KCNB2: variants seen among roughly 807,000 people sequenced by gnomAD.
The protein encoded by KCNB2 is delayed rectifier potassium channel protein.
KCNB2 carries 15 observed loss-of-function variants against 61.5 expected under a neutral mutation model. The ratio of observed to expected loss-of-function variants is 0.24; its 90% CI spans 0.16 to 0.38. The LOEUF (loss-of-function observed/expected upper bound fraction) is 0.38. Among genes scored for constraint, KCNB2 ranks in the 10% least tolerant of loss-of-function variants. The probability of loss-of-function intolerance (pLI) is 1.00; values close to 1 mark genes in which losing one functional copy is unlikely to be tolerated. For missense variants in KCNB2, 828 were observed against 1,125.2 expected (o/e 0.74, Z 3.78); for synonymous variants, 457 against 446.0 (o/e 1.02, Z -0.31).
At chr8:72,657,405 C>T (rs1440710402) in intron 2 of KCNB2, among the ~76,000 whole-genome samples, 1 of 151,788 alleles carries the variant, frequency 6.6e-6, no homozygotes, top group African/African-American at 2.4e-5. Context: ...TAAGTGTAGC[C>T]CTAGTTACAC....
chr8:72,741,115 A>G (rs1807951130), intron 2 of KCNB2, among the ~76,000 whole-genome samples: 1 of 152,018 alleles, frequency 6.6e-6, no homozygotes, highest in Admixed American at 6.6e-5. Context: ...TTTGATTGTA[A>G]TCTGACATTT....
intron 2 of KCNB2, among the ~76,000 whole-genome samples, chr8:72,608,422 T>G (rs1805487048): frequency 6.6e-6 from 1 of 152,056 alleles, no homozygotes; most frequent in South Asian, 2.1e-4. Context: ...CTAGCCCCTG[T>G]TTGGAAAGTG....
chr8:72,844,625 C>T (rs750419030), intron 2 of KCNB2, among the ~76,000 whole-genome samples: 1 of 152,148 alleles, frequency 6.6e-6, no homozygotes, highest in Non-Finnish European at 1.5e-5. Context: ...TTCTTGGAGG[C>T]TTTGTTCATT....
At chr8:72,907,898 C>A (rs1007114525) in intron 2 of KCNB2, among the ~76,000 whole-genome samples, 1 of 152,128 alleles carries the variant, frequency 6.6e-6, no homozygotes, top group African/African-American at 2.4e-5. Flanking sequence ...CATTTAACTT[C>A]CAATTTATTT....
At chr8:72,735,457 G>A (rs1485220895) in intron 2 of KCNB2, among the ~76,000 whole-genome samples, 2 of 152,080 alleles carry the variant, frequency 1.3e-5, no homozygotes, top group South Asian at 2.1e-4. Context: ...TCGGGTAAAG[G>A]TCTCACATGC....
intron 1 of KCNB2, among the ~76,000 whole-genome samples, chr8:72,558,536 A>G (rs886719033): frequency 6.6e-6 from 1 of 152,200 alleles, no homozygotes; most frequent in Non-Finnish European, 1.5e-5. Flanking sequence ...TGGAAGTCAT[A>G]TTGAATTTGG....
At chr8:72,540,744 T>C (rs562342911) in intron 1 of KCNB2, among the ~76,000 whole-genome samples, 55 of 152,144 alleles carry the variant, frequency 3.6e-4, no homozygotes, top group Non-Finnish European at 5.9e-4. Context: ...GAAAGCCATG[T>C]GTGTGAGACA....
At chr8:72,638,962 G>A (rs1806010803) in intron 2 of KCNB2, among the ~76,000 whole-genome samples, 1 of 152,102 alleles carries the variant, frequency 6.6e-6, no homozygotes, top group Non-Finnish European at 1.5e-5. Flanking sequence ...AACTTATGCA[G>A]ATCACTGTGA....
At chr8:72,886,163 C>T (rs1427459165) in intron 2 of KCNB2, among the ~76,000 whole-genome samples, 4 of 152,122 alleles carry the variant, frequency 2.6e-5, no homozygotes. Flanking sequence ...ATCCTGTGTA[C>T]CTACTACTGT....
At chr8:72,551,701 AC>A (rs1806346906) in intron 1 of KCNB2, among the ~76,000 whole-genome samples, 2 of 152,076 alleles carry the variant, frequency 1.3e-5, no homozygotes, top group Non-Finnish European at 2.9e-5. Context: ...TATGGCACTT[AC>A]CCCAAATCTA....
At chr8:72,686,316 C>T (rs1042625157) in intron 2 of KCNB2, among the ~76,000 whole-genome samples, 19 of 152,088 alleles carry the variant, frequency 1.2e-4, no homozygotes, top group African/African-American at 4.3e-4. Flanking sequence ...CCTATTTGGG[C>T]TTCTCCAAGT....
chr8:72,628,596 A>T (rs1805831210), intron 2 of KCNB2, among the ~76,000 whole-genome samples: 1 of 152,210 alleles, frequency 6.6e-6, no homozygotes, highest in Non-Finnish European at 1.5e-5. Flanking sequence ...GCTCCAAGGA[A>T]TGATGCCCAC....
chr8:72,559,760 G>A (rs1158889123), intron 1 of KCNB2, among the ~76,000 whole-genome samples: 1 of 152,138 alleles, frequency 6.6e-6, no homozygotes, highest in Non-Finnish European at 1.5e-5. Flanking sequence ...TTGACATGGG[G>A]ATAGATTAAG....
intron 2 of KCNB2, among the ~76,000 whole-genome samples, chr8:72,886,247 T>C (rs1276367410): frequency 6.6e-6 from 1 of 152,128 alleles, no homozygotes; most frequent in Admixed American, 6.5e-5. Flanking sequence ...CTTCCCCACC[T>C]CCCTGTTACT....
chr8:72,817,593 C>T (rs183253643), intron 2 of KCNB2, among the ~76,000 whole-genome samples: 90 of 152,272 alleles, frequency 5.9e-4, no homozygotes, highest in African/African-American at 2.0e-3. Context: ...CTTTGTTTTT[C>T]ACCTTTCCTC....
chr8:72,629,587 A>G (rs1805847157), intron 2 of KCNB2, among the ~76,000 whole-genome samples: 1 of 152,160 alleles, frequency 6.6e-6, no homozygotes, highest in Non-Finnish European at 1.5e-5. Context: ...GCTATGCCTG[A>G]TTCACATGCT....
intron 2 of KCNB2, among the ~76,000 whole-genome samples, chr8:72,894,818 A>C (rs117289828): frequency 6.6e-6 from 1 of 152,168 alleles, no homozygotes; most frequent in Non-Finnish European, 1.5e-5. Flanking sequence ...ATAGGTTTGC[A>C]TTGCATATTT....
Position 72,769,476 on chromosome 8 carries a change from C to T in KCNB2, c.580-166459C>T, listed in dbSNP as rs190099628. 9.2e-5 allele frequency among the ~76,000 whole-genome samples: 14 copies of T among 152,202 alleles called. No homozygotes were observed. The East Asian group carries it at 2.7e-3, about 30-fold the overall frequency. ...GAGATATGCACAGACAAAACTGAAA[C>T]ATATTAGTAGTCCAGTGATTAATTC... is the stretch of plus-strand genomic sequence containing the variant. On this transcript the variant is annotated intron_variant, in intron 2 of 2. Transcript: ENST00000523207.
At chr8:72,858,148 A>G (rs1810236629) in intron 2 of KCNB2, among the ~76,000 whole-genome samples, 1 of 152,218 alleles carries the variant, frequency 6.6e-6, no homozygotes, top group South Asian at 2.1e-4. Context: ...ATAGGTAGTC[A>G]TAAGATGATA....
Sources: allele counts gnomAD v4.1 joint callset (sites outside exome capture counted in the v4.1 genomes callset), GRCh38; gene constraint gnomAD v4.1.1; transcripts MANE v1.5; gene names NCBI Gene and HGNC (gene_info 2026-07-23, HGNC 2026-07-21).